AKNA: variants seen among roughly 807,000 people sequenced by gnomAD.
AKNA encodes the protein AT-hook transcription factor, also known as microtubule organization protein AKNA.
Under a neutral mutation model 138.8 loss-of-function variants are expected in AKNA, and 67 were observed. The ratio of observed to expected loss-of-function variants is 0.48; its 90% CI spans 0.40 to 0.59. AKNA has a LOEUF of 0.59. Ranked by LOEUF, AKNA falls within the 20% of genes least tolerant of loss-of-function variation. The pLI is 0.00. For missense variants in AKNA, 1,813 were observed against 1,880.4 expected, an observed-to-expected ratio of 0.96 and a Z score of 0.66; for synonymous variants, 737 against 754.4, an observed-to-expected ratio of 0.98 and a Z score of 0.38.
At chr9:114,368,617 G>A in intron 4 of AKNA, 22 bp from the exon 5 acceptor site, 3 of 1,354,126 alleles carry the variant, frequency 2.2e-6, no homozygotes, top group Non-Finnish European at 2.9e-6. Context: ...GGGAGGCACA[G>A]CACAGCCAAG....
In AKNA at chr9:114,376,795, G is replaced by A; in HGVS notation, c.1012C>T (p.Leu338=). 2 of 1,612,406 alleles carry A rather than the reference G, an allele frequency of 1.2e-6. No individual in the cohort carries two copies. Among genetic ancestry groups the A allele is most frequent in the Non-Finnish European group, 1.7e-6 (2 of 1,178,982 alleles). Residue 338 remains leucine (L), a synonymous_variant, in exon 3 of 22, where the codon CTG becomes TTG. Transcript: ENST00000374088. ...GCATTAGAAGAGGAGCGGCCAGCCAGAGTGGCTCCCTGTCTGGGCAGCGGC... is the reference window on the plus strand; with the variant it reads ...GCATTAGAAGAGGAGCGGCCAGCCAAAGTGGCTCCCTGTCTGGGCAGCGGC... ...GRPLPRQGAT[L]AGRSSSNAPK...
At chr9:114,339,006 T>G (rs549885083) in intron 21 of AKNA, among the ~76,000 whole-genome samples, 1 of 152,294 alleles carries the variant, frequency 6.6e-6, no homozygotes, top group Non-Finnish European at 1.5e-5. Context: ...CACTCCCTCC[T>G]CTAGGGACCG....
chr9:114,356,184 A>G, intron 13 of AKNA, 48 bp from the exon 14 acceptor site: 2 of 1,555,018 alleles, frequency 1.3e-6, no homozygotes, highest in East Asian at 4.5e-5. Flanking sequence ...ACAGAGTGAG[A>G]CACTCAGGCG....
chr9:114,375,232 C>T (rs1046694697), intron 3 of AKNA, among the ~76,000 whole-genome samples: 3 of 152,238 alleles, frequency 2.0e-5, no homozygotes, highest in Non-Finnish European at 4.4e-5. Flanking sequence ...AAAGAGACCA[C>T]AGCACATCAG....
intron 14 of AKNA, among the ~76,000 whole-genome samples, chr9:114,352,746 C>T (rs1368138845): frequency 6.6e-6 from 1 of 152,126 alleles, no homozygotes; most frequent in African/African-American, 2.4e-5. Flanking sequence ...CATGGTGAAA[C>T]CCCATATCCA....
At chr9:114,357,597 T>C (rs1198238101) in intron 12 of AKNA, among the ~76,000 whole-genome samples, 1 of 152,162 alleles carries the variant, frequency 6.6e-6, no homozygotes, top group Non-Finnish European at 1.5e-5. Context: ...CACATTTCCA[T>C]AGTGGCCTGT....
rs778045548 is a variant in AKNA at position 114,377,242 on chromosome 9, C to A, written c.565G>T (p.Val189Phe). The change falls in exon 3 of 22, where the codon GTC becomes TTC. Residue 189 changes from valine (V) to phenylalanine (F), a missense_variant. Val to Phe is a conservative substitution (Grantham distance 50). Coordinates refer to ENST00000374088, the MANE Select transcript of AKNA (RefSeq NM_001317950.2). ...GGGCTGAGTTCAACGGATGGGTTGA[C>A]CTCGGAATGTTCAGAAAGTTTGTCC... ...SGDKLSEHSE[V>F]NPSVELSPAR... 16 of 1,614,062 alleles carry A rather than the reference C, an allele frequency of 9.9e-6. No homozygotes were observed. The highest frequency in any genetic ancestry group is 1.4e-5 in the Non-Finnish European group (16 of 1,180,022).
At chr9:114,354,869 CTT>C (rs951126529) in intron 14 of AKNA, among the ~76,000 whole-genome samples, 15 of 133,664 alleles carry the variant, frequency 1.1e-4, no homozygotes, top group East Asian at 2.1e-4. Context: ...CTATACGGTA[CTT>C]TTTTTTTTTT....
intron 14 of AKNA, among the ~76,000 whole-genome samples, chr9:114,354,496 G>C (rs1287888776): frequency 6.6e-6 from 1 of 152,102 alleles, no homozygotes; most frequent in Non-Finnish European, 1.5e-5. Context: ...GGCGGATCAC[G>C]AGGTCAGGAG....
At chr9:114,345,655 T>G in intron 18 of AKNA, 3 of 513,600 alleles carry the variant, frequency 5.8e-6, no homozygotes, top group South Asian at 5.1e-5. Context: ...CATCAGAAAG[T>G]GTTTGCTGAA....
intron 14 of AKNA, among the ~76,000 whole-genome samples, chr9:114,353,352 C>T (rs1831266484): frequency 6.6e-6 from 1 of 151,964 alleles, no homozygotes; most frequent in African/African-American, 2.4e-5. Context: ...GCAACCTCCG[C>T]CCCCGGGTTT....
Position 114,364,636 on chromosome 9 carries a change from G to C in AKNA, c.1729-17C>G. 1 of 1,613,386 alleles carries C rather than the reference G, an allele frequency of 6.2e-7. No individual in the cohort carries two copies. On this transcript the variant is annotated splice_polypyrimidine_tract_variant and intron_variant, in intron 6 of 21. Transcript: ENST00000374088. ...GGACTCCACCTGGACATTGGGAGGG[G>C]AAGGAAATATGCTCCATTAATCCAG...
chr9:114,356,128 C>T lies in AKNA; in HGVS notation c.2855G>A (p.Gly952Glu). ...EHRLSHISTA[G>E]TLAQPFAASV... ...TGCAGCAAAGGGCTGGGCTAATGTTCCTGCTGTGCTGGGGGACCGTGGAGG... is the reference window on the plus strand; with the variant it reads ...TGCAGCAAAGGGCTGGGCTAATGTTTCTGCTGTGCTGGGGGACCGTGGAGG... Residue 952 changes from glycine to glutamate, a missense_variant, in exon 14 of 22, where the codon GGA becomes GAA. Transcript: ENST00000374088. 1.2e-6 allele frequency: 2 copies of T among 1,612,814 alleles called. No homozygotes were observed. Among genetic ancestry groups the T allele is most frequent in the Non-Finnish European group, 1.7e-6 (2 of 1,179,186 alleles).
intron 21 of AKNA, among the ~76,000 whole-genome samples, chr9:114,339,960 G>A (rs1830230101): frequency 6.6e-6 from 1 of 152,188 alleles, no homozygotes; most frequent in Non-Finnish European, 1.5e-5. Context: ...TTAGCCGGGT[G>A]TGGTGGCACA....
Position 114,337,091 on chromosome 9 carries a change from C to G in AKNA, c.4283G>C (p.Arg1428Pro), listed in dbSNP as rs776409662. Residue 1428 changes from arginine to proline, a missense_variant, in exon 22 of 22, where the codon CGC becomes CCC. Transcript: ENST00000374088. Reference protein sequence around the residue: ...QMRSSLSADLRQAHSLRGSCL... With the variant: ...QMRSSLSADLPQAHSLRGSCL... ...GGAGCCCCGCAGGCTGTGAGCCTGG[C>G]GCAGGTCGGCTGACAGCGAGCTTCT... The G allele has an allele frequency of 6.7e-7, 1 of 1,489,346 alleles. No individual in the cohort carries two copies. The highest frequency in any genetic ancestry group is 1.8e-5 in the Admixed American group (1 of 54,484). 92.3% of individuals were successfully genotyped at this position (1,489,346 alleles called of 1,614,324 possible). A position where few individuals can be genotyped will look rare whatever the true frequency, so the allele number is the denominator to read the frequency against.
chr9:114,362,299 A>C, intron 8 of AKNA, 107 bp downstream of exon 8: 2 of 1,413,374 alleles, frequency 1.4e-6, no homozygotes, highest in East Asian at 2.5e-5. Context: ...ATTTCTCTCT[A>C]TTCCCCGTGT....
At chr9:114,375,852 A>G in intron 3 of AKNA, 1 of 386,506 alleles carries the variant, frequency 2.6e-6, no homozygotes, top group South Asian at 1.9e-5. Flanking sequence ...GAGTACAATC[A>G]CTGGTCTTTT....
chr9:114,362,347 T>G, intron 8 of AKNA, 59 bp downstream of exon 8: 2 of 1,543,772 alleles, frequency 1.3e-6, no homozygotes, highest in Non-Finnish European at 8.7e-7. Flanking sequence ...TCCTGGAGAC[T>G]GAGGGACCCC....
In AKNA at chr9:114,381,200, C is replaced by A; in HGVS notation, c.134G>T (p.Arg45Ile). ...GGGGCTGGTGGCATTGGGAAAGAGT[C>A]TCTCTTCTTCCCAGCTTTGTGAACT... is the stretch of plus-strand genomic sequence containing the variant. The part of the protein sequence containing the change: ...RSSSQSWEEE[R>I]LFPNATSPEL... The change falls in exon 2 of 22, where the codon AGA (arginine) becomes ATA (isoleucine). Residue 45 changes from arginine to isoleucine, a missense_variant. Transcript: ENST00000374088. The A allele has an allele frequency of 1.2e-6, 2 of 1,614,150 alleles. No homozygotes were observed. Among genetic ancestry groups the A allele is most frequent in the Non-Finnish European group, 1.7e-6 (2 of 1,179,998 alleles).
Sources: allele counts gnomAD v4.1 joint callset (sites outside exome capture counted in the v4.1 genomes callset), GRCh38; gene constraint gnomAD v4.1.1; transcripts MANE v1.5; gene names NCBI Gene and HGNC (gene_info 2026-07-23, HGNC 2026-07-21).